Variants in ZDHHC20 observed in about 807,000 individuals in gnomAD.
ZDHHC20 encodes palmitoyltransferase ZDHHC20.
Under a neutral mutation model 57.8 loss-of-function variants are expected in ZDHHC20, and 43 were observed. The observed-to-expected ratio is 0.74, with a 90% confidence interval of 0.58 to 0.96. The LOEUF is 0.96. ZDHHC20 is among the 40% of genes least tolerant of loss of function. The pLI is 0.00. For synonymous variants in ZDHHC20, 157 were observed against 153.0 expected (o/e 1.03, Z -0.19); for missense variants, 391 against 441.1 (o/e 0.89, Z 1.02).
intron 3 of ZDHHC20, among the ~76,000 whole-genome samples, chr13:21,416,203 C>CAAAAAAA (rs55796229): frequency 7.0e-5 from 5 of 71,720 alleles, no homozygotes; most frequent in African/African-American, 1.5e-4. Context: ...GACTCCATCT[C>CAAAAAAA]AAAAAAAAAA....
rs1338428627 is a variant in ZDHHC20 at position 21,400,368 on chromosome 13, C to G, written c.594+5G>C. On this transcript the variant is annotated splice_donor_5th_base_variant and intron_variant, in intron 7 of 12. Coordinates refer to ENST00000400590, the MANE Select transcript of ZDHHC20 (RefSeq NM_001330059.2). ...ACATGTTTCAAGATAGAAAAAAAGA[C>G]TTACCGTCCAAAATTTTATAAAGTA... The G allele has an allele frequency of 1.3e-6, 2 of 1,577,958 alleles. No homozygotes were observed.
intron 7 of ZDHHC20, among the ~76,000 whole-genome samples, chr13:21,398,391 G>C (rs1187787045): frequency 2.0e-5 from 3 of 151,838 alleles, no homozygotes; most frequent in Non-Finnish European, 4.4e-5. Context: ...ATGAACCCGG[G>C]AGGCGGAGCT....
At position 21,375,348 on chromosome 13, in the gene ZDHHC20, G is replaced by GGTGTGTGT; in HGVS notation, c.*1340_*1347dup. The GGTGTGTGT allele has an allele frequency of 2.9e-6, 1 of 348,252 alleles. No homozygotes were observed. The highest frequency in any genetic ancestry group is 5.6e-6 in the Non-Finnish European group (1 of 177,222). The allele number at this position is 348,252 out of a possible 1,614,324, so 21.6% of individuals were successfully genotyped here. A position where few individuals can be genotyped will look rare whatever the true frequency, so the allele number is the denominator to read the frequency against. Reference sequence around the variant, plus strand: ...GGAAGCAATCAATTATTTTGGGGGGGGTGTGTGTGTGTGTGTGTCTGTCTG... The same window carrying GGTGTGTGT: ...GGAAGCAATCAATTATTTTGGGGGGGGTGTGTGTGTGTGTGTGTGTGTGTGTCTGTCTG... On this transcript the variant is annotated 3_prime_UTR_variant, in exon 13 of 13. Transcript: ENST00000400590.
chr13:21,448,586 A>G (rs1245091873), intron 1 of ZDHHC20, among the ~76,000 whole-genome samples: 2 of 63,684 alleles, frequency 3.1e-5, no homozygotes, highest in African/African-American at 1.1e-4. Context: ...CCCGTCCGGG[A>G]GGGAGGTGGG....
chr13:21,436,176 A>G (rs1480607232), intron 1 of ZDHHC20, among the ~76,000 whole-genome samples: 1 of 152,246 alleles, frequency 6.6e-6, no homozygotes, highest in African/African-American at 2.4e-5. Flanking sequence ...TATTAATTAC[A>G]AAGAAAAACT....
chr13:21,413,991 T>C lies in ZDHHC20; in HGVS notation c.250-219A>G, dbSNP rs80061956. Among the ~76,000 whole-genome samples the C allele has an allele frequency of 6.7e-3, 1,018 of 152,304 alleles. 15 individuals carry two copies. The highest frequency in any genetic ancestry group is 0.023 in the African/African-American group (944 of 41,572). On this transcript the variant is annotated intron_variant, in intron 3 of 12. Coordinates refer to ENST00000400590, the MANE Select transcript of ZDHHC20 (RefSeq NM_001330059.2). ...GCCCTCCACACCAGATGGCAAAGAA[T>C]ATGAACTAAATATTTTTCCATCTTC...
At chr13:21,400,718 C>T (rs1440362380) in intron 6 of ZDHHC20, among the ~76,000 whole-genome samples, 1 of 152,066 alleles carries the variant, frequency 6.6e-6, no homozygotes, top group Non-Finnish European at 1.5e-5. Flanking sequence ...AAATGGTTAA[C>T]ATGGTACATC....
At chr13:21,426,477 T>C (rs1007536799) in intron 1 of ZDHHC20, among the ~76,000 whole-genome samples, 1 of 152,166 alleles carries the variant, frequency 6.6e-6, no homozygotes, top group African/African-American at 2.4e-5. Context: ...GCAAATCTGA[T>C]GAATACTCTT....
chr13:21,384,271 C>T (rs1874022666), intron 9 of ZDHHC20, among the ~76,000 whole-genome samples: 1 of 151,750 alleles, frequency 6.6e-6, no homozygotes, highest in Admixed American at 6.6e-5. Flanking sequence ...GAAATGCCAT[C>T]TCTACTAAAA....
intron 1 of ZDHHC20, among the ~76,000 whole-genome samples, chr13:21,441,972 G>C (rs915057892): frequency 6.6e-6 from 1 of 152,094 alleles, no homozygotes; most frequent in Non-Finnish European, 1.5e-5. Context: ...GACATAGTAG[G>C]TATCATTATT....
intron 3 of ZDHHC20, among the ~76,000 whole-genome samples, chr13:21,416,881 G>C (rs1299395387): frequency 6.6e-6 from 1 of 152,182 alleles, no homozygotes; most frequent in Non-Finnish European, 1.5e-5. Context: ...AGTTCATGAA[G>C]GGATTTGGTG....
At chr13:21,391,977 T>A in intron 7 of ZDHHC20, 123 bp from the exon 8 acceptor site, 2 of 1,126,532 alleles carry the variant, frequency 1.8e-6, no homozygotes, top group Non-Finnish European at 2.5e-6. Context: ...ATAAATTACT[T>A]AATATATCCC....
chr13:21,382,146 C>A (rs1387433246), intron 10 of ZDHHC20, among the ~76,000 whole-genome samples: 3 of 152,162 alleles, frequency 2.0e-5, no homozygotes, highest in Non-Finnish European at 4.4e-5. Flanking sequence ...TGGTAAGTAT[C>A]ATTATCCTAA....
chr13:21,428,319 C>T (rs927588605), intron 1 of ZDHHC20, among the ~76,000 whole-genome samples: 2 of 151,994 alleles, frequency 1.3e-5, no homozygotes, highest in African/African-American at 4.8e-5. Flanking sequence ...CCTCCAGGTT[C>T]AAGCAATTCT....
intron 1 of ZDHHC20, among the ~76,000 whole-genome samples, chr13:21,446,965 T>TAA (rs1883767271): frequency 6.6e-6 from 1 of 152,138 alleles, no homozygotes; most frequent in Non-Finnish European, 1.5e-5. Flanking sequence ...GGCTTTTAGA[T>TAA]ATCTTGCTGA....
intron 9 of ZDHHC20, among the ~76,000 whole-genome samples, chr13:21,384,637 T>C (rs1874122798): frequency 6.6e-6 from 1 of 152,112 alleles, no homozygotes; most frequent in African/African-American, 2.4e-5. Context: ...CTGGGAATAA[T>C]GAATGATGAA....
chr13:21,454,426 A>C (rs1451015642), intron 1 of ZDHHC20, among the ~76,000 whole-genome samples: 1 of 152,220 alleles, frequency 6.6e-6, no homozygotes. Context: ...TGCCCAGCCC[A>C]AGAAAATAAT....
intron 1 of ZDHHC20, among the ~76,000 whole-genome samples, chr13:21,442,842 CTCT>C (rs1883320598): frequency 6.6e-6 from 1 of 151,502 alleles, no homozygotes; most frequent in Non-Finnish European, 1.5e-5. Context: ...TGAATTAGTT[CTCT>C]TCTTTGTTGC....
intron 3 of ZDHHC20, among the ~76,000 whole-genome samples, chr13:21,415,446 G>A (rs1333160078): frequency 6.6e-6 from 1 of 152,072 alleles, no homozygotes; most frequent in Non-Finnish European, 1.5e-5. Flanking sequence ...TACTTATGGG[G>A]GACAAGAAGC....
Sources: allele counts gnomAD v4.1 joint callset (sites outside exome capture counted in the v4.1 genomes callset), GRCh38; gene constraint gnomAD v4.1.1; transcripts MANE v1.5; gene names NCBI Gene and HGNC (gene_info 2026-07-23, HGNC 2026-07-21).